CSMD1: variants seen among roughly 807,000 people sequenced by gnomAD.
CSMD1 encodes CUB and sushi domain-containing protein 1.
A neutral mutation model predicts 417.5 loss-of-function variants in CSMD1; 213 were observed. The ratio of observed to expected loss-of-function variants is 0.51; its 90% CI spans 0.46 to 0.57. The LOEUF is 0.57. Ranked by LOEUF, CSMD1 falls within the 20% of genes least tolerant of loss-of-function variation. The pLI is 0.00. For synonymous variants in CSMD1, 2,862 were observed against 1,736.8 expected (o/e 1.65, Z -16.11); for missense variants, 6,923 against 4,529.7 (o/e 1.53, Z -15.17).
intron 6 of CSMD1, among the ~76,000 whole-genome samples, chr8:3,722,868 G>A (rs1223375420): frequency 6.6e-6 from 1 of 151,996 alleles, no homozygotes; most frequent in Admixed American, 6.6e-5. Context: ...TGAACTAGCT[G>A]CTTTTTCATG....
chr8:4,810,662 T>C (rs1386169207), intron 1 of CSMD1, among the ~76,000 whole-genome samples: 2 of 152,172 alleles, frequency 1.3e-5, no homozygotes, highest in South Asian at 4.1e-4. Flanking sequence ...CATAGAAAAT[T>C]TCATAGAAAC....
rs1236664845 is a variant in CSMD1, at chr8:4,013,437, T to G, written c.611-15327A>C. 7.9e-5 allele frequency among the ~76,000 whole-genome samples: 12 copies of G among 152,234 alleles called. No homozygotes were observed. In the South Asian group the frequency reaches 2.5e-3, roughly 32 times the overall value. The stretch of plus-strand genomic sequence containing the variant: ...CATTAGAGGTCCAAATATTCCGGTT[T>G]TCTACTATCAGGGGGGTTTCCAGGA... On this transcript the variant is annotated intron_variant, in intron 4 of 69. Transcript: ENST00000635120.
chr8:3,437,882 G>C (rs371896197), intron 12 of CSMD1, among the ~76,000 whole-genome samples: 1 of 151,992 alleles, frequency 6.6e-6, no homozygotes, highest in African/African-American at 2.4e-5. Flanking sequence ...CGAGTAGCTG[G>C]GATTACAGGT....
chr8:3,376,054 T>C (rs192653784), intron 18 of CSMD1, among the ~76,000 whole-genome samples: 40 of 152,076 alleles, frequency 2.6e-4, no homozygotes, highest in African/African-American at 7.5e-4. Context: ...ACTTACTTCA[T>C]TGTGTGATTT....
chr8:4,247,214 C>G (rs551186360), intron 3 of CSMD1, among the ~76,000 whole-genome samples: 2 of 152,210 alleles, frequency 1.3e-5, no homozygotes, highest in Admixed American at 6.5e-5. Flanking sequence ...AGAACAATTC[C>G]TGGAACAGCG....
chr8:4,379,385 G>C (rs1345345467), intron 3 of CSMD1, among the ~76,000 whole-genome samples: 2 of 152,144 alleles, frequency 1.3e-5, no homozygotes, highest in African/African-American at 2.4e-5. Flanking sequence ...TAGAATTTTG[G>C]AACAGAAAAG....
At chr8:4,911,153 G>A (rs1422404290) in intron 1 of CSMD1, among the ~76,000 whole-genome samples, 1 of 152,198 alleles carries the variant, frequency 6.6e-6, no homozygotes, top group Non-Finnish European at 1.5e-5. Context: ...TCTTGGGTAT[G>A]TCTTTATCAG....
At chr8:4,129,213 C>A (rs889428439) in intron 3 of CSMD1, among the ~76,000 whole-genome samples, 3 of 152,112 alleles carry the variant, frequency 2.0e-5, no homozygotes, top group African/African-American at 7.2e-5. Context: ...TGTTCAAATT[C>A]AGCAGATTCC....
intron 5 of CSMD1, among the ~76,000 whole-genome samples, chr8:3,927,846 CT>C (rs1354075018): frequency 6.6e-6 from 1 of 151,970 alleles, no homozygotes; most frequent in African/African-American, 2.4e-5. Flanking sequence ...TTGGCAGATA[CT>C]TTTTTATAAA....
rs192250441 is a variant in CSMD1 at position 3,257,894 on chromosome 8, T to C, written c.4153+26250A>G. Among the ~76,000 whole-genome samples, 56 of 151,980 alleles carry C rather than the reference T, an allele frequency of 3.7e-4. 2 individuals are homozygous for C. In the East Asian group the frequency reaches 7.0e-3, roughly 19 times the overall value. On this transcript the variant is annotated intron_variant, in intron 26 of 69. Coordinates refer to ENST00000635120, the MANE Select transcript of CSMD1 (RefSeq NM_033225.6). ...AGGGGCCATTGCTGGGTTCTGAAAA[T>C]GTTACAAGGGCGTGAAGCTTATATT...
At chr8:4,475,408 G>A (rs1278854890) in intron 2 of CSMD1, among the ~76,000 whole-genome samples, 1 of 152,070 alleles carries the variant, frequency 6.6e-6, no homozygotes, top group East Asian at 1.9e-4. Context: ...AAAACTTGTT[G>A]AGTGTTTCTC....
chr8:4,108,039 G>C (rs1350056915), intron 3 of CSMD1, among the ~76,000 whole-genome samples: 3 of 144,998 alleles, frequency 2.1e-5, no homozygotes, highest in African/African-American at 8.3e-5. Flanking sequence ...GAGAGAGAGA[G>C]AAAGAGAGAC....
chr8:3,749,653 C>A (rs112392146), intron 6 of CSMD1, among the ~76,000 whole-genome samples: 4 of 152,262 alleles, frequency 2.6e-5, no homozygotes, highest in African/African-American at 9.6e-5. Context: ...GCATCATACG[C>A]TGGAAAACAA....
intron 2 of CSMD1, among the ~76,000 whole-genome samples, chr8:4,632,524 G>A (rs1374094305): frequency 6.6e-6 from 1 of 152,026 alleles, no homozygotes; most frequent in Non-Finnish European, 1.5e-5. Context: ...GGGGTAGGGG[G>A]AGCAGGGAAA....
intron 1 of CSMD1, among the ~76,000 whole-genome samples, chr8:4,900,410 T>G (rs931989951): frequency 1.3e-5 from 2 of 152,190 alleles, no homozygotes; most frequent in African/African-American, 4.8e-5. Context: ...GCACCATATC[T>G]ATCACCAATT....
At chr8:3,993,445 A>C (rs930936971) in intron 5 of CSMD1, among the ~76,000 whole-genome samples, 2 of 152,200 alleles carry the variant, frequency 1.3e-5, no homozygotes, top group African/African-American at 4.8e-5. Flanking sequence ...TGACCCATTC[A>C]AGCGTTCTTT....
intron 3 of CSMD1, among the ~76,000 whole-genome samples, chr8:4,310,772 T>A (rs1022289112): frequency 1.3e-5 from 2 of 152,206 alleles, no homozygotes; most frequent in Non-Finnish European, 2.9e-5. Flanking sequence ...TGTGTCCATA[T>A]ACAGCCTTAC....
intron 7 of CSMD1, among the ~76,000 whole-genome samples, chr8:3,700,151 G>T (rs908106894): frequency 2.6e-5 from 4 of 152,158 alleles, no homozygotes; most frequent in Non-Finnish European, 5.9e-5. Flanking sequence ...CAAATATGGT[G>T]CAGCGTATAC....
intron 10 of CSMD1, among the ~76,000 whole-genome samples, chr8:3,556,764 T>C (rs553352713): frequency 2.0e-5 from 3 of 152,272 alleles, no homozygotes; most frequent in East Asian, 3.9e-4. Context: ...CAAGCCTAGC[T>C]GCTCAGCCTC....
Sources: gnomAD v4.1 joint callset for allele counts (sites outside exome capture counted in the v4.1 genomes callset) on GRCh38, gnomAD v4.1.1 for gene constraint, MANE v1.5 for transcripts, NCBI Gene and HGNC (gene_info 2026-07-23, HGNC 2026-07-21) for gene names.